Variants in SERPINB9 observed in about 807,000 individuals in gnomAD.
The protein encoded by SERPINB9 is serpin B9.
A neutral mutation model predicts 27.2 loss-of-function variants in SERPINB9; 20 were observed. The observed-to-expected ratio is 0.74, with a 90% confidence interval of 0.52 to 1.07. The LOEUF (loss-of-function observed/expected upper bound fraction) is 1.07, where lower values mean the gene tolerates loss of function less well. SERPINB9 is among the 50% of genes least tolerant of loss of function. The pLI, the probability that SERPINB9 is intolerant of heterozygous loss-of-function variation, is 0.00. For missense variants in SERPINB9, 476 were observed against 460.1 expected, an observed-to-expected ratio of 1.03 and a Z score of -0.32; for synonymous variants, 189 against 180.0, an observed-to-expected ratio of 1.05 and a Z score of -0.40.
In SERPINB9 at chr6:2,890,704, G is replaced by C. The variant is rs1444605771; in HGVS notation, c.724-134C>G. 5.0e-5 allele frequency: 41 copies of C among 820,984 alleles called. No homozygotes were observed. Among genetic ancestry groups the C allele is most frequent in the Non-Finnish European group, 1.3e-5 (7 of 524,136 alleles). The allele number at this position is 820,984 out of a possible 1,614,324, so 50.9% of individuals were successfully genotyped here. On this transcript the variant is annotated intron_variant, in intron 6 of 6. Coordinates refer to ENST00000380698, the MANE Select transcript of SERPINB9 (RefSeq NM_004155.6). This position sits in a 1 kb window ranked among gnomAD's most constrained non-coding sequence, Gnocchi z 6.2. ...CATAGGATCAGTGGCCCCTTCATCT[G>C]CCAGAAGCTTGTGAGCACTCTTACT...
rs1413398305 is a variant in SERPINB9 at position 2,894,839 on chromosome 6, G to A, written c.424+552C>T. ...AGCTCACTACAACTTCTGCCTCCCA[G>A]GTTCAAGTGATTCTCATGTCTCAGC... On this transcript the variant is annotated intron_variant, in intron 4 of 6. Transcript: ENST00000380698. The surrounding 1 kb of genome is among the most constrained non-coding windows in gnomAD (Gnocchi z 4.7). 1.3e-5 allele frequency among the ~76,000 whole-genome samples: 2 copies of A among 152,052 alleles called. No homozygotes were observed. Among genetic ancestry groups the A allele is most frequent in the Non-Finnish European group, 2.9e-5 (2 of 68,020 alleles).
intron 2 of SERPINB9, among the ~76,000 whole-genome samples, chr6:2,897,744 A>G (rs1209133437): frequency 6.6e-6 from 1 of 152,224 alleles, no homozygotes; most frequent in Non-Finnish European, 1.5e-5. Flanking sequence ...ACACACATAC[A>G]TACAAAACAG....
chr6:2,900,969 G>A (rs1768181874), intron 1 of SERPINB9, among the ~76,000 whole-genome samples: 1 of 152,000 alleles, frequency 6.6e-6, no homozygotes, highest in African/African-American at 2.4e-5. Flanking sequence ...CCCATCTGAG[G>A]AGGAGAATGG....
intron 5 of SERPINB9, 75 bp downstream of exon 5, chr6:2,893,336 T>TA: frequency 2.0e-6 from 3 of 1,477,112 alleles, no homozygotes; most frequent in Non-Finnish European, 2.8e-6. Context: ...TTATGTCACT[T>TA]ACACTTTTAC....
At chr6:2,898,187 A>G (rs1173367353) in intron 2 of SERPINB9, among the ~76,000 whole-genome samples, 1 of 152,210 alleles carries the variant, frequency 6.6e-6, no homozygotes, top group African/African-American at 2.4e-5. Flanking sequence ...AAAAAGGCTT[A>G]GATGATCTTT....
chr6:2,892,593 T>C (rs1159419880), intron 5 of SERPINB9, among the ~76,000 whole-genome samples: 1 of 152,158 alleles, frequency 6.6e-6, no homozygotes, highest in Non-Finnish European at 1.5e-5. Flanking sequence ...AAGTATTACA[T>C]TTATTAACGT....
At chr6:2,898,785 G>A (rs1406970516) in intron 2 of SERPINB9, among the ~76,000 whole-genome samples, 4 of 151,560 alleles carry the variant, frequency 2.6e-5, no homozygotes, top group Admixed American at 2.6e-4. Context: ...CTGCACTCCA[G>A]CCTGGGCGAC....
intron 3 of SERPINB9, among the ~76,000 whole-genome samples, chr6:2,895,793 A>C (rs1341994764): frequency 6.6e-6 from 1 of 152,072 alleles, no homozygotes; most frequent in African/African-American, 2.4e-5. Context: ...ATAGAATTGC[A>C]GTCTTTAAAA....
chr6:2,895,590 C>CT, intron 3 of SERPINB9, 82 bp from the exon 4 acceptor site: 1 of 825,380 alleles, frequency 1.2e-6, no homozygotes, highest in South Asian at 1.5e-5. Flanking sequence ...AATATGTTAT[C>CT]TTTTTTTAAT....
In SERPINB9 at chr6:2,903,275, AC is replaced by A. The variant is rs1768264877; in HGVS notation, c.-86del. On this transcript the variant is annotated 5_prime_UTR_variant, in exon 1 of 7. Transcript: ENST00000380698. This position sits in a 1 kb window ranked among gnomAD's most constrained non-coding sequence, Gnocchi z 5.2. ...TGGACGCCGACCCCCGAGGCGCAGG[AC>A]CCGGCCCTGCTGCTGCGCTCGCCGC... The A allele has an allele frequency of 6.6e-6, 1 of 152,054 alleles. No homozygotes were observed. The highest frequency in any genetic ancestry group is 2.1e-4 in the South Asian group (1 of 4,814). 9.4% of individuals were successfully genotyped at this position (152,054 alleles called of 1,614,324 possible). A position where few individuals can be genotyped will look rare whatever the true frequency, so the allele number is the denominator to read the frequency against.
At chr6:2,901,874 C>T (rs1430902156) in intron 1 of SERPINB9, among the ~76,000 whole-genome samples, 1 of 152,118 alleles carries the variant, frequency 6.6e-6, no homozygotes, top group Non-Finnish European at 1.5e-5. Context: ...TCTGTGCTCC[C>T]CAAAACGCCA....
intron 2 of SERPINB9, among the ~76,000 whole-genome samples, chr6:2,898,566 C>G (rs1303574188): frequency 6.6e-6 from 1 of 152,146 alleles, no homozygotes; most frequent in Non-Finnish European, 1.5e-5. Context: ...GCCTGTAATC[C>G]CAGCACTTTG....
At chr6:2,896,529 C>T (rs918407731) in intron 2 of SERPINB9, among the ~76,000 whole-genome samples, 3 of 151,862 alleles carry the variant, frequency 2.0e-5, no homozygotes, top group Non-Finnish European at 2.9e-5. Context: ...TCATCAGAAT[C>T]CTCAAAAGGA....
intron 2 of SERPINB9, among the ~76,000 whole-genome samples, chr6:2,898,034 C>T (rs931674808): frequency 9.2e-5 from 14 of 152,010 alleles, no homozygotes; most frequent in African/African-American, 2.9e-4. Flanking sequence ...TGAGATAGCA[C>T]CACTGCACTC....
chr6:2,893,492 G>C lies in SERPINB9; in HGVS notation c.486C>G (p.Val162=). Residue 162 remains valine (V), a synonymous_variant, in exon 5 of 7, where the codon GTC becomes GTG. Coordinates refer to ENST00000380698, the MANE Select transcript of SERPINB9 (RefSeq NM_004155.6). ...SIDAETRLVL[V]NAIYFKGKWN... ...ACTTTCCTTTGAAGTAGATGGCATTGACAAGAACCAGCCTGGTTTCTGCAT... is the reference window on the plus strand; with the variant it reads ...ACTTTCCTTTGAAGTAGATGGCATTCACAAGAACCAGCCTGGTTTCTGCAT... 6.2e-7 allele frequency: 1 copy of C among 1,613,092 alleles called. No individual in the cohort carries two copies. Among genetic ancestry groups the C allele is most frequent in the Non-Finnish European group, 8.5e-7 (1 of 1,179,472 alleles).
chr6:2,891,822 C>G lies in SERPINB9; in HGVS notation c.723+11G>C, dbSNP rs1173421261. ...GGTGTCCCTGGGTTCTTCCCGCAGC[C>G]CGGGTCTTACCGTGCTGAGCTCCAC... On this transcript the variant is annotated intron_variant, in intron 6 of 6. Coordinates refer to ENST00000380698, the MANE Select transcript of SERPINB9 (RefSeq NM_004155.6). The surrounding 1 kb of genome is among the most constrained non-coding windows in gnomAD (Gnocchi z 4.0). 14 of 1,583,556 alleles carry G rather than the reference C, an allele frequency of 8.8e-6. No homozygotes were observed. Among genetic ancestry groups the G allele is most frequent in the Non-Finnish European group, 1.2e-5 (14 of 1,169,868 alleles).
chr6:2,900,625 G>T lies in SERPINB9; in HGVS notation c.-10-4C>A, dbSNP rs757637944. On this transcript the variant is annotated splice_region_variant and splice_polypyrimidine_tract_variant and intron_variant, in intron 1 of 6. Transcript: ENST00000380698. The stretch of plus-strand genomic sequence containing the variant: ...AAGAGTTTCCATGATGCAGGGCCTG[G>T]AAGGGAAGAATAAAGAGAAATGCAG... 1.2e-6 allele frequency: 2 copies of T among 1,612,946 alleles called. No individual in the cohort carries two copies. Among genetic ancestry groups the T allele is most frequent in the African/African-American group, 2.7e-5 (2 of 74,880 alleles).
intron 2 of SERPINB9, among the ~76,000 whole-genome samples, chr6:2,896,827 T>C (rs561751609): frequency 1.3e-5 from 2 of 152,326 alleles, no homozygotes; most frequent in South Asian, 4.1e-4. Flanking sequence ...AATAATTAAC[T>C]CTTCAAAGTA....
At chr6:2,896,234 G>T in intron 2 of SERPINB9, 44 bp from the exon 3 acceptor site, 1 of 1,590,366 alleles carries the variant, frequency 6.3e-7, no homozygotes, top group South Asian at 1.1e-5. Flanking sequence ...ATAGCTCTTT[G>T]ATGGCTGGGG....
Sources: allele counts gnomAD v4.1 joint callset (sites outside exome capture counted in the v4.1 genomes callset), GRCh38; gene constraint gnomAD v4.1.1; non-coding constraint Gnocchi (gnomAD v3.1); transcripts MANE v1.5; gene names NCBI Gene and HGNC (gene_info 2026-07-23, HGNC 2026-07-21).